Variants in VAT1L observed in about 807,000 individuals in gnomAD.
VAT1L encodes putative NADPH-dependent quinone oxidoreductase VAT1L.
VAT1L carries 34 observed loss-of-function variants against 44.1 expected under a neutral mutation model. That is an observed-to-expected ratio of 0.77 (90% CI 0.59 to 1.03). The LOEUF (loss-of-function observed/expected upper bound fraction) is 1.03. Ranked by LOEUF, VAT1L falls within the 50% of genes least tolerant of loss-of-function variation. The pLI is 0.00. For missense variants in VAT1L, 615 were observed against 538.8 expected (o/e 1.14, Z -1.40); for synonymous variants, 253 against 202.2 (o/e 1.25, Z -2.13).
At chr16:77,861,759 G>A (rs1370009499) in intron 3 of VAT1L, among the ~76,000 whole-genome samples, 1 of 152,216 alleles carries the variant, frequency 6.6e-6, no homozygotes, top group Non-Finnish European at 1.5e-5. Flanking sequence ...TGCAGAAGCA[G>A]CCCTCAACAA....
Position 77,884,860 on chromosome 16 carries a change from G to T in VAT1L, c.1077+58G>T. ...TCCTCTTTTTAACTCAGGAAGGTTT[G>T]GGCAGCCAAATACAATCTTCTACTA... is the stretch of plus-strand genomic sequence containing the variant. On this transcript the variant is annotated intron_variant, in intron 7 of 8. Coordinates refer to ENST00000302536, the MANE Select transcript of VAT1L (RefSeq NM_020927.3). The surrounding 1 kb of genome is among the most constrained non-coding windows in gnomAD (Gnocchi z 4.5). 7.1e-7 allele frequency: 1 copy of T among 1,416,740 alleles called. No individual in the cohort carries two copies. The highest frequency in any genetic ancestry group is 1.6e-5 in the South Asian group (1 of 62,818). 87.8% of individuals were successfully genotyped at this position (1,416,740 alleles called of 1,614,324 possible). A position where few individuals can be genotyped will look rare whatever the true frequency, so the allele number is the denominator to read the frequency against.
Position 77,874,256 on chromosome 16 carries a change from A to G in VAT1L, c.723-2114A>G, listed in dbSNP as rs117558524. On this transcript the variant is annotated intron_variant, in intron 4 of 8. Coordinates refer to ENST00000302536, the MANE Select transcript of VAT1L (RefSeq NM_020927.3). ...AAATGCAGTTCACTGAGATGACTTG[A>G]TGGCTCAGGAGGGTGGGCTGGTAAA... Among the ~76,000 whole-genome samples, 1,319 of 152,168 alleles carry G rather than the reference A, an allele frequency of 8.7e-3. 40 individuals are homozygous for G. The highest frequency in any genetic ancestry group is 0.07 in the East Asian group (360 of 5,134).
At chr16:77,867,733 C>T in intron 4 of VAT1L, among the ~76,000 whole-genome samples, 1 of 151,984 alleles carries the variant, frequency 6.6e-6, no homozygotes. Flanking sequence ...GTGGTGCACA[C>T]CTGTAATCCC....
intron 5 of VAT1L, among the ~76,000 whole-genome samples, chr16:77,878,383 G>A (rs1183241439): frequency 1.3e-5 from 2 of 152,098 alleles, no homozygotes; most frequent in Non-Finnish European, 2.9e-5. Flanking sequence ...AATCTTTGAA[G>A]ACAAGGCAGG....
intron 4 of VAT1L, among the ~76,000 whole-genome samples, chr16:77,871,105 T>C (rs2017027116): frequency 6.6e-6 from 1 of 152,082 alleles, no homozygotes; most frequent in South Asian, 2.1e-4. Flanking sequence ...TTTCTACCCT[T>C]GAAAGGAGCA....
intron 3 of VAT1L, among the ~76,000 whole-genome samples, chr16:77,837,024 C>G (rs2016647184): frequency 6.6e-6 from 1 of 150,488 alleles, no homozygotes; most frequent in Non-Finnish European, 1.5e-5. Context: ...TTCCAGGTCA[C>G]ACAGCTTATA....
intron 4 of VAT1L, among the ~76,000 whole-genome samples, chr16:77,868,192 G>T (rs1485329013): frequency 6.6e-6 from 1 of 152,140 alleles, no homozygotes; most frequent in Non-Finnish European, 1.5e-5. Flanking sequence ...ATGCAGTCAG[G>T]TATACACAAC....
In VAT1L at chr16:77,971,839, T is replaced by G. The variant is rs760094165; in HGVS notation, c.1078-11T>G. 6.2e-7 allele frequency: 1 copy of G among 1,611,286 alleles called. No individual in the cohort carries two copies. Among genetic ancestry groups the G allele is most frequent in the South Asian group, 1.1e-5 (1 of 90,714 alleles). Reference sequence around the variant, plus strand: ...CTAACCAGCACCTCTGTTTCTCACCTTTTCGCGCAGGTGAAGGAGGCCATG... The same window carrying G: ...CTAACCAGCACCTCTGTTTCTCACCGTTTCGCGCAGGTGAAGGAGGCCATG... On this transcript the variant is annotated splice_polypyrimidine_tract_variant and intron_variant, in intron 7 of 8. Coordinates refer to ENST00000302536, the MANE Select transcript of VAT1L (RefSeq NM_020927.3).
At chr16:77,824,893 G>A (rs1208281259) in intron 2 of VAT1L, among the ~76,000 whole-genome samples, 2 of 114,788 alleles carry the variant, frequency 1.7e-5, no homozygotes, top group Non-Finnish European at 1.7e-5. Flanking sequence ...TGGAGGCAGA[G>A]TCTTGCTTTG....
At chr16:77,910,694 G>GAAAGA (rs751786729) in intron 7 of VAT1L, among the ~76,000 whole-genome samples, 1 of 124,372 alleles carries the variant, frequency 8.0e-6, no homozygotes, top group Non-Finnish European at 1.7e-5. Flanking sequence ...AAAAAAAAAA[G>GAAAGA]AAAGAAAAGA....
chr16:77,910,303 C>G (rs183304561), intron 7 of VAT1L, among the ~76,000 whole-genome samples: 2 of 152,154 alleles, frequency 1.3e-5, no homozygotes, highest in East Asian at 3.9e-4. Flanking sequence ...AGCTAAAAAA[C>G]GAGCCTCTCA....
intron 3 of VAT1L, among the ~76,000 whole-genome samples, chr16:77,860,070 A>G (rs1278010298): frequency 2.0e-5 from 3 of 152,164 alleles, no homozygotes; most frequent in Non-Finnish European, 4.4e-5. Flanking sequence ...GCGTGGAGAG[A>G]CGCAGGGAGA....
intron 5 of VAT1L, among the ~76,000 whole-genome samples, chr16:77,878,507 A>G (rs190943986): frequency 6.7e-6 from 1 of 150,242 alleles, no homozygotes; most frequent in East Asian, 2.0e-4. Context: ...TACTCTCCGT[A>G]TGAGAATCTT....
intron 2 of VAT1L, among the ~76,000 whole-genome samples, 168 bp from the exon 3 acceptor site, chr16:77,825,078 G>A (rs2016502880): frequency 6.6e-6 from 1 of 151,910 alleles, no homozygotes; most frequent in Non-Finnish European, 1.5e-5. Flanking sequence ...TGTCAGCCAG[G>A]CTGGTCTTGA....
intron 7 of VAT1L, among the ~76,000 whole-genome samples, chr16:77,935,912 C>T (rs1317257804): frequency 6.6e-6 from 1 of 152,104 alleles, no homozygotes; most frequent in Admixed American, 6.5e-5. Context: ...TCTGAAGTAC[C>T]CGGCATTGTC....
At chr16:77,928,378 C>G (rs556590157) in intron 7 of VAT1L, among the ~76,000 whole-genome samples, 98 of 152,328 alleles carry the variant, frequency 6.4e-4, no homozygotes, top group Middle Eastern at 6.8e-3. Context: ...TTATTTCTCT[C>G]TTATGATTAT....
intron 1 of VAT1L, among the ~76,000 whole-genome samples, chr16:77,797,609 G>C (rs928201674): frequency 3.9e-5 from 6 of 152,086 alleles, no homozygotes; most frequent in Non-Finnish European, 5.9e-5. Flanking sequence ...GGTGTATATA[G>C]ACAATCCAGT....
intron 7 of VAT1L, among the ~76,000 whole-genome samples, chr16:77,913,222 G>A (rs868030282): frequency 2.0e-5 from 3 of 152,010 alleles, no homozygotes; most frequent in African/African-American, 4.8e-5. Context: ...ACACATAAAC[G>A]TACTGTCTTA....
chr16:77,890,906 A>G (rs2017258292), intron 7 of VAT1L, among the ~76,000 whole-genome samples: 1 of 136,444 alleles, frequency 7.3e-6, no homozygotes, highest in African/African-American at 2.8e-5. Flanking sequence ...CCTGGGTGAC[A>G]GAGGAAGACC....
Sources: allele counts gnomAD v4.1 joint callset (sites outside exome capture counted in the v4.1 genomes callset), GRCh38; gene constraint gnomAD v4.1.1; non-coding constraint Gnocchi (gnomAD v3.1); transcripts MANE v1.5; gene names NCBI Gene and HGNC (gene_info 2026-07-23, HGNC 2026-07-21).